ELAVL2: variants seen among roughly 807,000 people sequenced by gnomAD.
ELAVL2 encodes the protein ELAV like RNA binding protein 2.
A neutral mutation model predicts 34.6 loss-of-function variants in ELAVL2; 4 were observed. That is an observed-to-expected ratio of 0.12 (90% CI 0.06 to 0.26). The LOEUF (loss-of-function observed/expected upper bound fraction) is 0.26. ELAVL2 is among the 10% of genes least tolerant of loss of function. The probability of loss-of-function intolerance (pLI) is 1.00; values close to 1 mark genes in which losing one functional copy is unlikely to be tolerated. For missense variants in ELAVL2, 432 were observed against 442.8 expected (o/e 0.98, Z 0.22); for synonymous variants, 193 against 154.8 (o/e 1.25, Z -1.83).
chr9:23,829,731 G>C (rs1023294301), upstream of ELAVL2: 5 of 152,176 alleles, frequency 3.3e-5, no homozygotes, highest in African/African-American at 1.2e-4. Flanking sequence ...ACACCAGTGT[G>C]AATTTATACC....
chr9:23,802,851 A>G (rs758598729), intron 1 of ELAVL2, among the ~76,000 whole-genome samples: 6 of 152,194 alleles, frequency 3.9e-5, no homozygotes, highest in Admixed American at 6.5e-5. Flanking sequence ...TTAAAAATAT[A>G]CATATTCCTC....
At chr9:23,717,095 T>A (rs2042503622) in intron 3 of ELAVL2, among the ~76,000 whole-genome samples, 1 of 152,204 alleles carries the variant, frequency 6.6e-6, no homozygotes, top group Non-Finnish European at 1.5e-5. Context: ...TAAATGTAAA[T>A]GCCATCTACA....
chr9:23,798,255 C>A (rs577500446), intron 1 of ELAVL2, among the ~76,000 whole-genome samples: 113 of 152,340 alleles, frequency 7.4e-4, no homozygotes, highest in African/African-American at 2.6e-3. Flanking sequence ...AACAGCAAAA[C>A]AGGACCCTTT....
At chr9:23,766,453 T>C (rs1359714781) in intron 1 of ELAVL2, among the ~76,000 whole-genome samples, 1 of 152,118 alleles carries the variant, frequency 6.6e-6, no homozygotes, top group Non-Finnish European at 1.5e-5. Context: ...CTGAATACCT[T>C]CAGGAGTTCA....
intron 1 of ELAVL2, among the ~76,000 whole-genome samples, chr9:23,778,374 A>G (rs1454184858): frequency 1.3e-5 from 2 of 152,200 alleles, no homozygotes; most frequent in African/African-American, 2.4e-5. Flanking sequence ...AAAACAAAAC[A>G]AAACACAAAC....
At chr9:23,774,614 TTTTAA>T (rs2057901623) in intron 1 of ELAVL2, among the ~76,000 whole-genome samples, 1 of 152,106 alleles carries the variant, frequency 6.6e-6, no homozygotes, top group East Asian at 1.9e-4. Context: ...GCCTTGCCTA[TTTTAA>T]TTTACCTTAT....
At chr9:23,701,039 C>A (rs560045248) in intron 5 of ELAVL2, among the ~76,000 whole-genome samples, 1 of 152,186 alleles carries the variant, frequency 6.6e-6, no homozygotes, top group East Asian at 1.9e-4. Flanking sequence ...TAGCAGCATC[C>A]CCGACCTCTA....
intron 3 of ELAVL2, among the ~76,000 whole-genome samples, chr9:23,728,221 G>A (rs2045717710): frequency 6.6e-6 from 1 of 151,988 alleles, no homozygotes; most frequent in African/African-American, 2.4e-5. Context: ...GTTCCTCAAG[G>A]GTAAAGAATA....
chr9:23,736,560 G>T (rs1650394735), intron 2 of ELAVL2, among the ~76,000 whole-genome samples: 1 of 152,104 alleles, frequency 6.6e-6, no homozygotes, highest in South Asian at 2.1e-4. Flanking sequence ...TTGATCCAAG[G>T]CTTGAAGGAA....
At chr9:23,718,305 T>C (rs777218114) in intron 3 of ELAVL2, among the ~76,000 whole-genome samples, 2 of 152,132 alleles carry the variant, frequency 1.3e-5, no homozygotes, top group Non-Finnish European at 2.9e-5. Context: ...CTATCTACAT[T>C]ACAAGTAAAC....
chr9:23,748,706 T>C (rs2051135224), intron 2 of ELAVL2, among the ~76,000 whole-genome samples: 1 of 152,116 alleles, frequency 6.6e-6, no homozygotes, highest in Non-Finnish European at 1.5e-5. Context: ...TTACGGGGAA[T>C]GTGGCATGAA....
intron 6 of ELAVL2, 109 bp from the exon 7 acceptor site, chr9:23,692,993 C>T: frequency 1.0e-6 from 1 of 968,230 alleles, no homozygotes; most frequent in Non-Finnish European, 1.5e-6. Flanking sequence ...TAGTAACTCT[C>T]CTCCCCCAAC....
chr9:23,835,256 T>C, the ELAVL2 span, among the ~76,000 whole-genome samples: 2 of 152,102 alleles, frequency 1.3e-5, no homozygotes, highest in Non-Finnish European at 2.9e-5. Flanking sequence ...ATTTTGATTT[T>C]ATGTTGAGAC....
chr9:23,806,371 C>A (rs1588685219), intron 1 of ELAVL2, among the ~76,000 whole-genome samples: 1 of 152,232 alleles, frequency 6.6e-6, no homozygotes, highest in South Asian at 2.1e-4. Flanking sequence ...TGAGGTGGCT[C>A]AGGTCTGTAA....
intron 1 of ELAVL2, among the ~76,000 whole-genome samples, chr9:23,816,150 C>T (rs1469382457): frequency 1.3e-5 from 2 of 151,782 alleles, no homozygotes; most frequent in African/African-American, 4.8e-5. Flanking sequence ...CTACAGCTTT[C>T]TTCAAATGCT....
In ELAVL2 at chr9:23,742,750, G is replaced by T. The variant is rs76155445; in HGVS notation, c.230-11625C>A. ...ATCCATCGTCCCCAGTCGACACAAG[G>T]ATTAAGTATAAATAACGTGATTTTT... On this transcript the variant is annotated intron_variant, in intron 2 of 6. Coordinates refer to ENST00000397312, the MANE Select transcript of ELAVL2 (RefSeq NM_004432.5). Among the ~76,000 whole-genome samples, 228 of 152,256 alleles carry T rather than the reference G, an allele frequency of 1.5e-3. 1 individual carries two copies. Among genetic ancestry groups the T allele is most frequent in the Middle Eastern group, 6.8e-3 (2 of 294 alleles).
intron 5 of ELAVL2, among the ~76,000 whole-genome samples, chr9:23,694,822 T>G (rs1184716242): frequency 6.6e-6 from 1 of 152,116 alleles, no homozygotes; most frequent in African/African-American, 2.4e-5. Context: ...ACAGAACAGA[T>G]CACAATGACA....
intron 5 of ELAVL2, among the ~76,000 whole-genome samples, chr9:23,699,447 T>TA (rs1304713759): frequency 6.6e-6 from 1 of 152,162 alleles, no homozygotes; most frequent in Non-Finnish European, 1.5e-5. Context: ...AGCTTTCCAC[T>TA]AACAGCAAAC....
At chr9:23,778,426 C>A (rs1056692035) in intron 1 of ELAVL2, among the ~76,000 whole-genome samples, 4 of 152,160 alleles carry the variant, frequency 2.6e-5, no homozygotes, top group Admixed American at 1.3e-4. Flanking sequence ...ACCAATGTAA[C>A]AATTTCACAT....
Sources: gnomAD v4.1 joint callset for allele counts (sites outside exome capture counted in the v4.1 genomes callset) on GRCh38, gnomAD v4.1.1 for gene constraint, MANE v1.5 for transcripts, NCBI Gene and HGNC (gene_info 2026-07-23, HGNC 2026-07-21) for gene names.